Variants in PEX14 observed in about 807,000 individuals in gnomAD.
PEX14 encodes the protein peroxisomal membrane protein PEX14.
A neutral mutation model predicts 49.5 loss-of-function variants in PEX14; 15 were observed. That is an observed-to-expected ratio of 0.30 (90% CI 0.20 to 0.47). The LOEUF (loss-of-function observed/expected upper bound fraction) is 0.47. Ranked by LOEUF, PEX14 falls within the 20% of genes least tolerant of loss-of-function variation. PEX14 has a pLI of 1.00. For synonymous variants in PEX14, 210 were observed against 212.7 expected, an observed-to-expected ratio of 0.99 and a Z score of 0.11; for missense variants, 398 against 494.8, an observed-to-expected ratio of 0.80 and a Z score of 1.86.
intron 5 of PEX14, among the ~76,000 whole-genome samples, chr1:10,621,342 C>CT (rs930417764): frequency 0.045 from 4,860 of 107,964 alleles, 163 homozygotes; most frequent in Non-Finnish European, 0.05. Context: ...TATATGAATT[C>CT]TTTTTTTTTT....
chr1:10,533,792 T>C (rs1002841576), intron 2 of PEX14, among the ~76,000 whole-genome samples: 7 of 152,246 alleles, frequency 4.6e-5, no homozygotes, highest in Admixed American at 1.3e-4. Flanking sequence ...AATTCATGTT[T>C]ATTGCATTGT....
intron 3 of PEX14, among the ~76,000 whole-genome samples, chr1:10,573,886 A>G (rs1640050800): frequency 6.6e-6 from 1 of 152,226 alleles, no homozygotes; most frequent in Non-Finnish European, 1.5e-5. Flanking sequence ...AGATCACTTG[A>G]GATCAGGAGT....
chr1:10,536,310 C>A lies in PEX14; in HGVS notation c.169+13C>A, dbSNP rs1193142805. The A allele has an allele frequency of 8.0e-6, 12 of 1,495,614 alleles. No homozygotes were observed. Among genetic ancestry groups the A allele is most frequent in the South Asian group, 1.1e-5 (1 of 88,900 alleles). The allele number at this position is 1,495,614 out of a possible 1,614,324, so 92.6% of individuals were successfully genotyped here. On this transcript the variant is annotated intron_variant, in intron 3 of 8. Transcript: ENST00000356607. ...CTAAAGAAGAAAGGTACAGGTTCCA[C>A]AGGGCTGTGCAGCACGGCCTACAGG...
rs930003872 is a variant in PEX14 at position 10,613,085 on chromosome 1, C to G, written c.299-5247C>G. ...TCTCAGCTCTGTGTTGCCGATGAAC[C>G]TTTACTGGATTGCAGGATTTCCATG... On this transcript the variant is annotated intron_variant, in intron 4 of 8. Transcript: ENST00000356607. The surrounding 1 kb of genome is among the most constrained non-coding windows in gnomAD (Gnocchi z 5.0). Among the ~76,000 whole-genome samples the G allele has an allele frequency of 6.6e-6, 1 of 152,210 alleles. No homozygotes were observed. The highest frequency in any genetic ancestry group is 1.5e-5 in the Non-Finnish European group (1 of 68,032).
chr1:10,496,500 T>G (rs1457674229), intron 2 of PEX14, among the ~76,000 whole-genome samples: 2 of 152,186 alleles, frequency 1.3e-5, no homozygotes, highest in Non-Finnish European at 2.9e-5. Flanking sequence ...TGTGGTTGTT[T>G]TAGACTGAAG....
intron 3 of PEX14, among the ~76,000 whole-genome samples, chr1:10,550,505 G>T (rs1168122761): frequency 6.6e-6 from 1 of 152,244 alleles, no homozygotes; most frequent in Non-Finnish European, 1.5e-5. Context: ...CACCCTTAGA[G>T]AACTTGGTGA....
In PEX14 at chr1:10,539,542, G is replaced by GC. The variant is rs899839966; in HGVS notation, c.169+3247dup. Among the ~76,000 whole-genome samples the GC allele has an allele frequency of 2.8e-4, 43 of 151,354 alleles. 1 individual carries two copies. Among genetic ancestry groups the GC allele is most frequent in the Non-Finnish European group, 1.9e-4 (13 of 67,884 alleles). ...AGATGACACATCAACTGCGGAGTCA[G>GC]CCACACATCAAGATAATTGGACTGT... On this transcript the variant is annotated intron_variant, in intron 3 of 8. Coordinates refer to ENST00000356607, the MANE Select transcript of PEX14 (RefSeq NM_004565.3). This position sits in a 1 kb window ranked among gnomAD's most constrained non-coding sequence, Gnocchi z 4.6.
chr1:10,574,533 A>G (rs1570290064), intron 3 of PEX14, among the ~76,000 whole-genome samples: 1 of 152,348 alleles, frequency 6.6e-6, no homozygotes, highest in East Asian at 1.9e-4. Context: ...GCTACTCATT[A>G]TTAGACTAGA....
chr1:10,554,316 A>AC (rs1639424544), intron 3 of PEX14, among the ~76,000 whole-genome samples: 1 of 151,336 alleles, frequency 6.6e-6, no homozygotes, highest in Non-Finnish European at 1.5e-5. Context: ...AAAAAAAAAA[A>AC]AAAGAGAAGT....
At chr1:10,551,078 C>CCTAT (rs745778158) in intron 3 of PEX14, among the ~76,000 whole-genome samples, 2 of 152,070 alleles carry the variant, frequency 1.3e-5, no homozygotes, top group Admixed American at 6.5e-5. Flanking sequence ...ATAAAGGGTA[C>CCTAT]ATAGGGTGAC....
intron 2 of PEX14, among the ~76,000 whole-genome samples, chr1:10,527,868 G>A (rs1557828355): frequency 1.3e-5 from 2 of 151,944 alleles, no homozygotes; most frequent in Non-Finnish European, 2.9e-5. Flanking sequence ...ATGGGGTTTC[G>A]CCATGTTGGC....
At chr1:10,526,985 G>A (rs576760271) in intron 2 of PEX14, among the ~76,000 whole-genome samples, 40 of 152,126 alleles carry the variant, frequency 2.6e-4, no homozygotes, top group African/African-American at 9.4e-4. Context: ...AGGCTGAGGT[G>A]GGCAGATCAC....
intron 3 of PEX14, among the ~76,000 whole-genome samples, chr1:10,591,427 T>A (rs369887479): frequency 6.6e-6 from 1 of 152,220 alleles, no homozygotes; most frequent in Non-Finnish European, 1.5e-5. Context: ...GTGATCTTGT[T>A]AAGGATCAAG....
At chr1:10,580,765 G>A (rs566829185) in intron 3 of PEX14, among the ~76,000 whole-genome samples, 12 of 150,782 alleles carry the variant, frequency 8.0e-5, no homozygotes, top group East Asian at 2.0e-4. Flanking sequence ...ATGGACTACC[G>A]AACATTCCTA....
At position 10,494,879 on chromosome 1, in the gene PEX14, CCT is replaced by C. The variant is rs1435040474; in HGVS notation, c.37-394_37-393del. On this transcript the variant is annotated intron_variant, in intron 1 of 8. Transcript: ENST00000356607. This position sits in a 1 kb window ranked among gnomAD's most constrained non-coding sequence, Gnocchi z 4.3. ...GCTGCGCGACTTTTCTTCCCAGTCC[CCT>C]GACGTTGGGGAGGTGGCAGAAAGAG... Among the ~76,000 whole-genome samples, 1 of 152,174 alleles carries C rather than the reference CCT, an allele frequency of 6.6e-6. No individual in the cohort carries two copies. Among genetic ancestry groups the C allele is most frequent in the Non-Finnish European group, 1.5e-5 (1 of 68,042 alleles).
intron 3 of PEX14, among the ~76,000 whole-genome samples, chr1:10,584,930 AC>A (rs1161918367): frequency 2.0e-5 from 3 of 152,248 alleles, no homozygotes; most frequent in Non-Finnish European, 4.4e-5. Flanking sequence ...ATTTTAACAT[AC>A]ATTATAATTG....
chr1:10,475,125 C>T, intron 1 of PEX14, 123 bp downstream of exon 1: 3 of 914,352 alleles, frequency 3.3e-6, no homozygotes, highest in Non-Finnish European at 5.2e-6. Flanking sequence ...GACCTCTTGC[C>T]CCCTCCTGAG....
chr1:10,493,531 G>C (rs1641506293), intron 1 of PEX14, among the ~76,000 whole-genome samples: 1 of 152,068 alleles, frequency 6.6e-6, no homozygotes. Context: ...AGGCTCAAGG[G>C]ATCCTTCTGC....
At chr1:10,541,354 A>G (rs1433252859) in intron 3 of PEX14, among the ~76,000 whole-genome samples, 1 of 152,202 alleles carries the variant, frequency 6.6e-6, no homozygotes, top group Non-Finnish European at 1.5e-5. Flanking sequence ...TGGAACCTGG[A>G]GGAAGAAGGC....
Sources: allele counts gnomAD v4.1 joint callset (sites outside exome capture counted in the v4.1 genomes callset), GRCh38; gene constraint gnomAD v4.1.1; non-coding constraint Gnocchi (gnomAD v3.1); transcripts MANE v1.5; gene names NCBI Gene and HGNC (gene_info 2026-07-23, HGNC 2026-07-21).